The following SH3PXD2B variants were observed in gnomAD, a reference collection of about 807,000 sequenced individuals.
SH3PXD2B encodes the protein SH3 and PX domain-containing protein 2B.
In SH3PXD2B, 37 loss-of-function variants were observed where a neutral mutation model predicts 73.1. That is an observed-to-expected ratio of 0.51 (90% CI 0.39 to 0.67). The LOEUF (loss-of-function observed/expected upper bound fraction) is 0.67. SH3PXD2B is among the 30% of genes least tolerant of loss of function. The pLI, the probability that SH3PXD2B is intolerant of heterozygous loss-of-function variation, is 0.00. For missense variants in SH3PXD2B, 1,053 were observed against 1,197.8 expected (o/e 0.88, Z 1.78); for synonymous variants, 457 against 480.5 (o/e 0.95, Z 0.64).
At chr5:172,350,640 A>C in intron 9 of SH3PXD2B, 51 bp from the exon 10 acceptor site, 1 of 1,530,284 alleles carries the variant, frequency 6.5e-7, no homozygotes, top group Non-Finnish European at 8.9e-7. Context: ...GGCCCAAGGG[A>C]AGAAGCCTTG....
At position 172,335,324 on chromosome 5, in the gene SH3PXD2B, G is replaced by C. The variant is rs1756661568; in HGVS notation, c.*3045C>G. On this transcript the variant is annotated 3_prime_UTR_variant, in exon 13 of 13. Transcript: ENST00000311601. ...ATGTGTGAGCAAGGGGCGGGGGGAA[G>C]AGGCACCGAAATTCAGAGGGAGGGT... 8.4e-6 allele frequency: 10 copies of C among 1,189,018 alleles called. No homozygotes were observed. Among genetic ancestry groups the C allele is most frequent in the Non-Finnish European group, 1.0e-5 (10 of 961,542 alleles). The allele number at this position is 1,189,018 out of a possible 1,614,324, so 73.7% of individuals were successfully genotyped here.
intron 6 of SH3PXD2B, among the ~76,000 whole-genome samples, chr5:172,367,603 T>C (rs1286587674): frequency 6.6e-6 from 1 of 152,202 alleles, no homozygotes; most frequent in Non-Finnish European, 1.5e-5. Context: ...CCCCATCCTC[T>C]ATTTCTTCTA....
chr5:172,359,456 T>A (rs1451024466), intron 7 of SH3PXD2B, among the ~76,000 whole-genome samples: 2 of 150,874 alleles, frequency 1.3e-5, no homozygotes, highest in African/African-American at 4.9e-5. Context: ...ACCCATCATT[T>A]CACTTGCATT....
intron 2 of SH3PXD2B, among the ~76,000 whole-genome samples, chr5:172,420,069 G>C (rs1460604640): frequency 6.6e-6 from 1 of 152,190 alleles, no homozygotes; most frequent in African/African-American, 2.4e-5. Flanking sequence ...GGCATCGAAA[G>C]ATGCTGGGCA....
intron 12 of SH3PXD2B, among the ~76,000 whole-genome samples, chr5:172,341,725 A>G (rs1192344817): frequency 6.6e-6 from 1 of 152,098 alleles, no homozygotes; most frequent in African/African-American, 2.4e-5. Context: ...ATCTCGGCTC[A>G]CTGCAGGCTC....
chr5:172,374,596 C>T (rs983573707), intron 5 of SH3PXD2B, among the ~76,000 whole-genome samples: 1 of 152,140 alleles, frequency 6.6e-6, no homozygotes, highest in African/African-American at 2.4e-5. Flanking sequence ...ACAGGAGAAT[C>T]AATTGAACCT....
Position 172,347,284 on chromosome 5 carries a change from A to G in SH3PXD2B, c.1061T>C (p.Ile354Thr), listed in dbSNP as rs764014429. ...QRPPPRRDMT[I>T]PRGLNLPKPP... Reference sequence around the variant, plus strand: ...CCCCAGTAGCGAGGATCCACTTACAATGGTCATGTCCCGGCGAGGAGGGGG... The same window carrying G: ...CCCCAGTAGCGAGGATCCACTTACAGTGGTCATGTCCCGGCGAGGAGGGGG... Residue 354 changes from isoleucine to threonine, a missense_variant and splice_region_variant, in exon 11 of 13, where the codon ATT becomes ACT. By Grantham distance (89) the Ile-to-Thr change is moderately conservative. This residue lies in a region of SH3PXD2B where 466 missense variants were observed against 607.1 expected (regional missense o/e 0.77). Transcript: ENST00000311601. 2.5e-6 allele frequency: 4 copies of G among 1,613,962 alleles called. No homozygotes were observed. The highest frequency in any genetic ancestry group is 2.7e-5 in the African/African-American group (2 of 74,912).
In SH3PXD2B at chr5:172,371,213, G is replaced by A. The variant is rs77583068; in HGVS notation, c.427+2577C>T. Among the ~76,000 whole-genome samples the A allele has an allele frequency of 5.7e-3, 864 of 152,284 alleles. 6 individuals carry two copies. Among genetic ancestry groups the A allele is most frequent in the African/African-American group, 0.019 (797 of 41,556 alleles). On this transcript the variant is annotated intron_variant, in intron 6 of 12. Coordinates refer to ENST00000311601, the MANE Select transcript of SH3PXD2B (RefSeq NM_001017995.3). Reference sequence around the variant, plus strand: ...TTTCCTTCCAAAAATTCACTATACTGTCAATCTTGCTGAAAGAGTCAGTAA... The same window carrying A: ...TTTCCTTCCAAAAATTCACTATACTATCAATCTTGCTGAAAGAGTCAGTAA...
At chr5:172,349,336 C>A (rs148911696) in intron 10 of SH3PXD2B, among the ~76,000 whole-genome samples, 1 of 152,226 alleles carries the variant, frequency 6.6e-6, no homozygotes, top group Non-Finnish European at 1.5e-5. Context: ...CTGCCCTGCA[C>A]GGCCAAGACA....
At chr5:172,394,692 C>A (rs1758257483) in intron 3 of SH3PXD2B, 53 bp from the exon 4 acceptor site, 3 of 1,593,464 alleles carry the variant, frequency 1.9e-6, no homozygotes, top group Admixed American at 1.7e-5. Flanking sequence ...GACAAGCTCT[C>A]AGCAACCTGA....
At position 172,328,438 on chromosome 5, in the gene SH3PXD2B, A is replaced by G. The variant is rs373490467; in HGVS notation, c.1189-3058T>C. ...GATTTTAAACTACTGGCCTCAAATG[A>G]TCCTCCTGCCTTGGCCTCCCGAAGT... On this transcript the variant is annotated intron_variant, in intron 12 of 12. Transcript: ENST00000519643. Among the ~76,000 whole-genome samples the G allele has an allele frequency of 4.6e-5, 7 of 152,156 alleles. No individual in the cohort carries two copies. In the East Asian group the frequency reaches 7.7e-4, roughly 17 times the overall value.
At chr5:172,364,418 G>A (rs187388486) in intron 6 of SH3PXD2B, among the ~76,000 whole-genome samples, 7 of 152,148 alleles carry the variant, frequency 4.6e-5, no homozygotes, top group East Asian at 1.9e-4. Flanking sequence ...TAATCCCAGC[G>A]CTTTGGGAAG....
At position 172,350,219 on chromosome 5, in the gene SH3PXD2B, G is replaced by C; in HGVS notation, c.1012+144C>G. 4 of 742,744 alleles carry C rather than the reference G, an allele frequency of 5.4e-6. No homozygotes were observed. The South Asian group carries it at 5.5e-5, about 10-fold the overall frequency. 46.0% of individuals were successfully genotyped at this position (742,744 alleles called of 1,614,324 possible). A position where few individuals can be genotyped will look rare whatever the true frequency, so the allele number is the denominator to read the frequency against. ...GAATGATCTGGAATAAGTTACCCGG[G>C]GTTTCTGGGCCTCTGTTTTCTTATC... On this transcript the variant is annotated intron_variant, in intron 10 of 12. Coordinates refer to ENST00000311601, the MANE Select transcript of SH3PXD2B (RefSeq NM_001017995.3).
At chr5:172,340,635 C>T (rs1561892082) in intron 12 of SH3PXD2B, among the ~76,000 whole-genome samples, 1 of 152,168 alleles carries the variant, frequency 6.6e-6, no homozygotes, top group Non-Finnish European at 1.5e-5. Context: ...TGCTCTGTCA[C>T]CCAGGCTGAA....
chr5:172,401,793 T>G (rs1053822425), intron 3 of SH3PXD2B, among the ~76,000 whole-genome samples: 1 of 152,222 alleles, frequency 6.6e-6, no homozygotes, highest in Non-Finnish European at 1.5e-5. Flanking sequence ...TTCAGGGACA[T>G]GTATCACTTC....
At chr5:172,370,777 AT>A (rs1757684280) in intron 6 of SH3PXD2B, among the ~76,000 whole-genome samples, 1 of 152,242 alleles carries the variant, frequency 6.6e-6, no homozygotes, top group Non-Finnish European at 1.5e-5. Flanking sequence ...AAAAAGGTTC[AT>A]TCATTTGATC....
chr5:172,346,555 G>A (rs1367897878), intron 11 of SH3PXD2B, among the ~76,000 whole-genome samples: 2 of 152,080 alleles, frequency 1.3e-5, no homozygotes, highest in Non-Finnish European at 2.9e-5. Flanking sequence ...GGGTTGTGGA[G>A]GGAGCTTAAG....
At chr5:172,397,292 A>C (rs900788073) in intron 3 of SH3PXD2B, among the ~76,000 whole-genome samples, 2 of 152,174 alleles carry the variant, frequency 1.3e-5, no homozygotes, top group African/African-American at 4.8e-5. Context: ...TCTGCTCTCA[A>C]ACCCTGTCTC....
chr5:172,389,995 G>A (rs1758143280), intron 4 of SH3PXD2B, among the ~76,000 whole-genome samples: 1 of 152,148 alleles, frequency 6.6e-6, no homozygotes, highest in African/African-American at 2.4e-5. Flanking sequence ...TGGGATTACA[G>A]GCATGAGCCA....
Sources: gnomAD v4.1 joint callset for allele counts (sites outside exome capture counted in the v4.1 genomes callset) on GRCh38, gnomAD v4.1.1 for gene constraint, gnomAD v4.1.1 regional missense constraint, MANE v1.5 for transcripts, NCBI Gene and HGNC (gene_info 2026-07-23, HGNC 2026-07-21) for gene names.